The following CTNNA3 variants were observed in gnomAD, a reference collection of about 807,000 sequenced individuals.
CTNNA3 encodes the protein catenin alpha 3.
CTNNA3 carries 76 observed loss-of-function variants against 95.7 expected under a neutral mutation model. That is an observed-to-expected ratio of 0.79 (90% CI 0.66 to 0.96). The LOEUF is 0.96. CTNNA3 is among the 40% of genes least tolerant of loss of function. The pLI, the probability that CTNNA3 is intolerant of heterozygous loss-of-function variation, is 0.00. For synonymous variants in CTNNA3, 431 were observed against 374.4 expected, an observed-to-expected ratio of 1.15 and a Z score of -1.74; for missense variants, 1,191 against 1,089.8, an observed-to-expected ratio of 1.09 and a Z score of -1.31.
chr10:67,337,147 T>C (rs1379369598), intron 5 of CTNNA3, among the ~76,000 whole-genome samples: 2 of 152,126 alleles, frequency 1.3e-5, no homozygotes, highest in Non-Finnish European at 2.9e-5. Context: ...AAAAACCTTC[T>C]AGAAAGAATT....
chr10:66,476,599 T>C (rs1175918585), intron 11 of CTNNA3, among the ~76,000 whole-genome samples: 2 of 152,120 alleles, frequency 1.3e-5, no homozygotes, highest in Non-Finnish European at 2.9e-5. Flanking sequence ...TGTTAAATAA[T>C]GAAAACTATT....
At chr10:67,454,379 G>A (rs903939848) in intron 5 of CTNNA3, among the ~76,000 whole-genome samples, 3 of 152,112 alleles carry the variant, frequency 2.0e-5, no homozygotes, top group African/African-American at 4.8e-5. Context: ...CTGAAAACAA[G>A]TTATTCAGGG....
At position 66,951,283 on chromosome 10, in the gene CTNNA3, T is replaced by A. The variant is rs1271606843; in HGVS notation, c.1048-175759A>T. 2.0e-5 allele frequency among the ~76,000 whole-genome samples: 3 copies of A among 151,906 alleles called. No homozygotes were observed. In the East Asian group the frequency reaches 5.8e-4, roughly 30 times the overall value. Reference sequence around the variant, plus strand: ...GGCATGCACCACCACCCCTGGCCAATTTTTGTATTTTTAGTAGAGATGGGG... The same window carrying A: ...GGCATGCACCACCACCCCTGGCCAAATTTTGTATTTTTAGTAGAGATGGGG... On this transcript the variant is annotated intron_variant, in intron 7 of 17. Transcript: ENST00000433211.
Position 66,480,531 on chromosome 10 carries a change from G to A in CTNNA3, c.1531+40086C>T, listed in dbSNP as rs190088097. 5.5e-4 allele frequency among the ~76,000 whole-genome samples: 84 copies of A among 152,166 alleles called. No individual in the cohort carries two copies. The Middle Eastern group carries it at 0.017, about 31-fold the overall frequency. On this transcript the variant is annotated intron_variant, in intron 11 of 17. Coordinates refer to ENST00000433211, the MANE Select transcript of CTNNA3 (RefSeq NM_013266.4). ...TATGTCATTATAAAACAGAAACTTAGCCTCTGTGATCAGAGACTTTACAAT... is the reference window on the plus strand; with the variant it reads ...TATGTCATTATAAAACAGAAACTTAACCTCTGTGATCAGAGACTTTACAAT...
intron 1 of CTNNA3, among the ~76,000 whole-genome samples, chr10:67,707,975 C>T (rs1259904010): frequency 6.6e-6 from 1 of 152,110 alleles, no homozygotes; most frequent in African/African-American, 2.4e-5. Context: ...AATTTCTCTC[C>T]CTACCTGTAT....
chr10:67,334,087 T>C (rs1244867292), intron 5 of CTNNA3: 4 of 152,252 alleles, frequency 2.6e-5, no homozygotes, highest in African/African-American at 9.6e-5. Flanking sequence ...ACAAAATGTT[T>C]GGTCTTGTTG....
chr10:67,147,507 A>T (rs1201150231), intron 7 of CTNNA3, among the ~76,000 whole-genome samples: 1 of 152,222 alleles, frequency 6.6e-6, no homozygotes, highest in Non-Finnish European at 1.5e-5. Flanking sequence ...GGGTCAAAAT[A>T]CACTAATAGC....
chr10:67,510,756 T>C (rs1839597911), intron 5 of CTNNA3, among the ~76,000 whole-genome samples: 1 of 152,226 alleles, frequency 6.6e-6, no homozygotes, highest in Non-Finnish European at 1.5e-5. Context: ...TTGATGGGGA[T>C]GGTATTGAAT....
At chr10:66,909,137 G>A (rs747645413) in intron 7 of CTNNA3, among the ~76,000 whole-genome samples, 3 of 152,096 alleles carry the variant, frequency 2.0e-5, no homozygotes, top group Admixed American at 6.6e-5. Context: ...TAAGAAACAG[G>A]AAGAGTAAAC....
chr10:67,571,008 A>T (rs187620736), intron 3 of CTNNA3, among the ~76,000 whole-genome samples: 73 of 152,236 alleles, frequency 4.8e-4, no homozygotes, highest in African/African-American at 1.7e-3. Flanking sequence ...TCCTTACAAA[A>T]TTTTTTAGTC....
At chr10:67,658,490 C>T (rs118067841) in intron 1 of CTNNA3, among the ~76,000 whole-genome samples, 130 of 152,244 alleles carry the variant, frequency 8.5e-4, no homozygotes, top group Admixed American at 2.0e-3. Flanking sequence ...TAACAAAAGA[C>T]TTTAAAACAA....
chr10:66,302,062 G>T (rs1014895536), intron 12 of CTNNA3, among the ~76,000 whole-genome samples: 2 of 151,900 alleles, frequency 1.3e-5, no homozygotes, highest in African/African-American at 4.8e-5. Flanking sequence ...AAAACACAAT[G>T]CCATTAACAT....
chr10:66,721,648 C>A lies in CTNNA3; in HGVS notation c.1281+44616G>T, dbSNP rs547761149. ...ATTCTGGGTTGCTAAGAAAATACAT[C>A]AGCCAGAAGGGAGCAAGAGAGGCTG... On this transcript the variant is annotated intron_variant, in intron 9 of 17. Transcript: ENST00000433211. Among the ~76,000 whole-genome samples the A allele has an allele frequency of 3.0e-3, 453 of 152,268 alleles. 2 individuals are homozygous for A. The highest frequency in any genetic ancestry group is 0.01 in the African/African-American group (424 of 41,552).
intron 7 of CTNNA3, among the ~76,000 whole-genome samples, chr10:66,797,931 G>T (rs1266035352): frequency 6.6e-6 from 1 of 151,690 alleles, no homozygotes; most frequent in Non-Finnish European, 1.5e-5. Context: ...ATAAACCAGG[G>T]ACTAAAGCCC....
chr10:67,761,151 AAC>A (rs1181006129), intron 1 of CTNNA3, among the ~76,000 whole-genome samples: 4 of 152,164 alleles, frequency 2.6e-5, no homozygotes, highest in Admixed American at 6.5e-5. Context: ...TATCTATCTA[AAC>A]ACAGAAAAGA....
intron 15 of CTNNA3, 88 bp downstream of exon 15, chr10:66,069,220 T>C (rs1372497884): frequency 2.2e-6 from 3 of 1,342,478 alleles, no homozygotes; most frequent in Admixed American, 1.8e-5. Context: ...TTTTTGGCAC[T>C]TGACACTCAG....
intron 17 of CTNNA3, among the ~76,000 whole-genome samples, chr10:65,941,404 A>G (rs1275781368): frequency 6.6e-6 from 1 of 152,180 alleles, no homozygotes; most frequent in African/African-American, 2.4e-5. Flanking sequence ...CTGTCACTCT[A>G]ACGACATGTA....
At chr10:67,230,955 C>T (rs1015442950) in intron 5 of CTNNA3, among the ~76,000 whole-genome samples, 3 of 152,182 alleles carry the variant, frequency 2.0e-5, no homozygotes, top group South Asian at 4.1e-4. Flanking sequence ...CCGAATACTG[C>T]GCTTTTCCGA....
chr10:66,202,752 T>A (rs1182950210), intron 13 of CTNNA3, among the ~76,000 whole-genome samples: 1 of 152,202 alleles, frequency 6.6e-6, no homozygotes, highest in Non-Finnish European at 1.5e-5. Context: ...AAACTCTGAC[T>A]CTTCTACCAT....
Sources: gnomAD v4.1 joint callset for allele counts (sites outside exome capture counted in the v4.1 genomes callset) on GRCh38, gnomAD v4.1.1 for gene constraint, MANE v1.5 for transcripts, NCBI Gene and HGNC (gene_info 2026-07-23, HGNC 2026-07-21) for gene names.